Variants in CHLSN observed in about 807,000 individuals in gnomAD.
CHLSN encodes the protein cholesin.
the CHLSN span, chr7:1,075,928 C>A: frequency 1.3e-5 from 2 of 152,010 alleles, no homozygotes; most frequent in African/African-American, 2.4e-5. Context: ...AAAAAAAACC[C>A]TCCTGACCTC....
At chr7:1,125,296 C>T in the CHLSN span, among the ~76,000 whole-genome samples, 6 of 152,232 alleles carry the variant, frequency 3.9e-5, no homozygotes, top group South Asian at 2.1e-4. Context: ...GAAGGGCCCA[C>T]GTGGGCTCCC....
At chr7:1,127,481 TAAAA>T in the CHLSN span, 1 of 919,274 alleles carries the variant, frequency 1.1e-6, no homozygotes, top group Non-Finnish European at 1.5e-6. Context: ...ACTCTCCCAT[TAAAA>T]AAAAAAAAGA....
At chr7:1,011,637 C>A in the CHLSN span, among the ~76,000 whole-genome samples, 10 of 150,924 alleles carry the variant, frequency 6.6e-5, no homozygotes, top group African/African-American at 2.2e-4. Context: ...CACACCCAGA[C>A]ACCCACAAAC....
chr7:1,084,417 T>G, the CHLSN span, among the ~76,000 whole-genome samples: 1 of 152,222 alleles, frequency 6.6e-6, no homozygotes, highest in Non-Finnish European at 1.5e-5. Flanking sequence ...TTCCAGCATG[T>G]GTTAGCTCTA....
chr7:1,086,523 A>C, the CHLSN span, among the ~76,000 whole-genome samples: 1 of 152,254 alleles, frequency 6.6e-6, no homozygotes, highest in Non-Finnish European at 1.5e-5. Flanking sequence ...TCTGTTTAGG[A>C]AATGTGTGTA....
the CHLSN span, among the ~76,000 whole-genome samples, chr7:1,068,583 A>C: frequency 6.6e-6 from 1 of 152,096 alleles, no homozygotes; most frequent in African/African-American, 2.4e-5. Context: ...TCAGCAAGCT[A>C]CAGAAGACCA....
the CHLSN span, among the ~76,000 whole-genome samples, chr7:1,014,109 C>T: frequency 3.9e-5 from 6 of 152,182 alleles, 1 homozygote; most frequent in Non-Finnish European, 8.8e-5. Flanking sequence ...TGCAGTCAAA[C>T]ATGAAATCCT....
the CHLSN span, among the ~76,000 whole-genome samples, chr7:1,027,178 G>A: frequency 6.6e-6 from 1 of 152,208 alleles, no homozygotes; most frequent in African/African-American, 2.4e-5. Flanking sequence ...CTCACATCTG[G>A]GAACTAAGTA....
At chr7:1,067,913 G>A in the CHLSN span, among the ~76,000 whole-genome samples, 3 of 151,982 alleles carry the variant, frequency 2.0e-5, no homozygotes, top group Non-Finnish European at 4.4e-5. Flanking sequence ...CCCCAGAGGT[G>A]AGGGTTTGGG....
the CHLSN span, among the ~76,000 whole-genome samples, chr7:1,007,799 G>T: frequency 6.6e-6 from 1 of 152,186 alleles, no homozygotes; most frequent in Non-Finnish European, 1.5e-5. Flanking sequence ...CAGAGGGGGA[G>T]AGGAGGGTGA....
chr7:1,124,948 AGCTGTCTGGCTGTGCTTGGGGT>A, the CHLSN span, among the ~76,000 whole-genome samples: 17 of 152,274 alleles, frequency 1.1e-4, no homozygotes, highest in Middle Eastern at 3.4e-3. Context: ...GCCCAGGACA[AGCTGTCTGGCTGTGCTTGGGGT>A]GCTGTCTGGC....
the CHLSN span, among the ~76,000 whole-genome samples, chr7:1,011,226 CCA>C: frequency 1.1e-3 from 162 of 141,382 alleles, no homozygotes; most frequent in African/African-American, 4.2e-3. Context: ...ATACCCACAC[CCA>C]CAGACACCCA....
chr7:1,012,211 C>T, the CHLSN span, among the ~76,000 whole-genome samples: 3 of 152,254 alleles, frequency 2.0e-5, no homozygotes, highest in Admixed American at 6.5e-5. Flanking sequence ...ACAGGGGCCG[C>T]CGCGGTGGCC....
At chr7:1,130,899 T>TAA in the CHLSN span, among the ~76,000 whole-genome samples, 1 of 152,008 alleles carries the variant, frequency 6.6e-6, no homozygotes, top group Non-Finnish European at 1.5e-5. Flanking sequence ...ACCCCAAAAG[T>TAA]AAAACAGTCC....
chr7:1,022,964 C>T, the CHLSN span: 10 of 471,770 alleles, frequency 2.1e-5, no homozygotes, highest in Non-Finnish European at 3.8e-5. Context: ...CCGGCTCTGT[C>T]GTCGAGGCGC....
At chr7:987,955 TGGGGGTCCCCTCTGTGTGTCCTGG>T in the CHLSN span, among the ~76,000 whole-genome samples, 11 of 94,898 alleles carry the variant, frequency 1.2e-4, no homozygotes, top group South Asian at 3.1e-4. Context: ...CTGTGTGTCC[TGGGGGTCCCCTCTGTGTGTCCTGG>T]GGGGGTCCCC....
chr7:1,129,794 A>G, the CHLSN span, among the ~76,000 whole-genome samples: 1 of 152,198 alleles, frequency 6.6e-6, no homozygotes, highest in Non-Finnish European at 1.5e-5. Context: ...GCAATCATAC[A>G]TGGATTACAT....
chr7:1,014,646 C>A, the CHLSN span, among the ~76,000 whole-genome samples: 1 of 152,278 alleles, frequency 6.6e-6, no homozygotes, highest in Admixed American at 6.5e-5. Flanking sequence ...ACACGCGGGG[C>A]TCCATAAAGC....
the CHLSN span, among the ~76,000 whole-genome samples, chr7:1,131,104 T>C: frequency 6.7e-6 from 1 of 149,704 alleles, no homozygotes; most frequent in African/African-American, 2.5e-5. Flanking sequence ...GGTGGGAGGA[T>C]TGCTTGAGCC....
Sources: allele counts gnomAD v4.1 joint callset (sites outside exome capture counted in the v4.1 genomes callset), GRCh38; gene constraint gnomAD v4.1.1; transcripts MANE v1.5; gene names NCBI Gene and HGNC (gene_info 2026-07-23, HGNC 2026-07-21).